ANKRD11: variants seen among roughly 807,000 people sequenced by gnomAD.
ANKRD11 encodes the protein ankyrin repeat domain 11, also known as ankyrin repeat domain-containing protein 11.
In ANKRD11, 17 loss-of-function variants were observed where a neutral mutation model predicts 195.7. That is an observed-to-expected ratio of 0.09 (90% CI 0.06 to 0.13). The LOEUF (loss-of-function observed/expected upper bound fraction) is 0.13, where lower values mean the gene tolerates loss of function less well. ANKRD11 is among the 10% of genes least tolerant of loss of function. ANKRD11 has a pLI of 1.00. For synonymous variants in ANKRD11, 1,953 were observed against 1,528.1 expected (o/e 1.28, Z -6.49); for missense variants, 3,735 against 3,566.1 (o/e 1.05, Z -1.21).
chr16:89,445,076 G>T (rs1306167972), intron 1 of ANKRD11, among the ~76,000 whole-genome samples: 3 of 152,140 alleles, frequency 2.0e-5, no homozygotes, highest in Non-Finnish European at 4.4e-5. Flanking sequence ...CTGGCCCCTT[G>T]GGTGAGGGTG....
At chr16:89,485,187 C>G (rs1020999954) in intron 1 of ANKRD11, among the ~76,000 whole-genome samples, 1 of 152,132 alleles carries the variant, frequency 6.6e-6, no homozygotes, top group African/African-American at 2.4e-5. Context: ...CCAGCTTTAG[C>G]ACTGTGGGGT....
chr16:89,467,743 C>T (rs574627561), intron 1 of ANKRD11, among the ~76,000 whole-genome samples: 2 of 152,132 alleles, frequency 1.3e-5, no homozygotes, highest in South Asian at 4.1e-4. Flanking sequence ...GTAAGACATA[C>T]TGCATATGTT....
At position 89,288,664 on chromosome 16, in the gene ANKRD11, G is replaced by A; in HGVS notation, c.608C>T (p.Thr203Met). 1 of 1,614,082 alleles carries A rather than the reference G, an allele frequency of 6.2e-7. No homozygotes were observed. The highest frequency in any genetic ancestry group is 8.5e-7 in the Non-Finnish European group (1 of 1,180,042). Residue 203 changes from threonine (T) to methionine (M), a missense_variant, in exon 7 of 13, where the codon ACG (threonine) becomes ATG (methionine). Thr to Met is a moderately conservative substitution (Grantham distance 81). Coordinates refer to ENST00000301030, the MANE Select transcript of ANKRD11 (RefSeq NM_013275.6). Reference sequence around the variant, plus strand: ...CCGGTTACAGGCCTCGTGCAGCGCCGTCCAGCCTGGAAACAGACACTCAGG... The same window carrying A: ...CCGGTTACAGGCCTCGTGCAGCGCCATCCAGCCTGGAAACAGACACTCAGG... ...DVNVKDFAGW[T>M]ALHEACNRGY...
At chr16:89,288,711 G>T (rs749429705) in intron 6 of ANKRD11, 41 bp from the exon 7 acceptor site, 2 of 1,613,560 alleles carry the variant, frequency 1.2e-6, no homozygotes, top group South Asian at 2.2e-5. Flanking sequence ...TTAATCCTCA[G>T]AACTTCCCTC....
At chr16:89,385,039 C>T (rs2040848849) in intron 2 of ANKRD11, among the ~76,000 whole-genome samples, 1 of 151,684 alleles carries the variant, frequency 6.6e-6, no homozygotes. Context: ...GCACACACCA[C>T]CATGCCAGGC....
chr16:89,443,532 C>G (rs2043627724), intron 1 of ANKRD11: 1 of 152,194 alleles, frequency 6.6e-6, no homozygotes, highest in African/African-American at 2.4e-5. Flanking sequence ...GCAAGCACCA[C>G]CCTGCACCAC....
At chr16:89,345,751 G>A (rs996994249) in intron 2 of ANKRD11, among the ~76,000 whole-genome samples, 2 of 152,144 alleles carry the variant, frequency 1.3e-5, no homozygotes, top group Non-Finnish European at 2.9e-5. Context: ...ATACACACCA[G>A]GTGCATGCTG....
chr16:89,368,269 C>G lies in ANKRD11; in HGVS notation c.-60+50015G>C, dbSNP rs139704040. On this transcript the variant is annotated intron_variant, in intron 2 of 12. Transcript: ENST00000301030. ...AGACTGCAGTGGCACAATCTCGGCTCACTGCAACCTCCGCCTCCCAGGTTA... is the reference window on the plus strand; with the variant it reads ...AGACTGCAGTGGCACAATCTCGGCTGACTGCAACCTCCGCCTCCCAGGTTA... Among the ~76,000 whole-genome samples the G allele has an allele frequency of 5.4e-3, 823 of 151,626 alleles. 9 individuals carry two copies. Among genetic ancestry groups the G allele is most frequent in the African/African-American group, 0.019 (787 of 41,326 alleles).
At chr16:89,333,028 A>G (rs2038148197) in intron 2 of ANKRD11, among the ~76,000 whole-genome samples, 1 of 152,178 alleles carries the variant, frequency 6.6e-6, no homozygotes, top group East Asian at 1.9e-4. Flanking sequence ...GTGGTCCCCC[A>G]GAGTGACAGG....
chr16:89,449,323 C>A (rs2043955471), intron 1 of ANKRD11, among the ~76,000 whole-genome samples: 1 of 152,026 alleles, frequency 6.6e-6, no homozygotes, highest in Admixed American at 6.6e-5. Flanking sequence ...CGTGATCCCA[C>A]CACTGCATTC....
chr16:89,366,062 G>A (rs2039934556), intron 2 of ANKRD11, among the ~76,000 whole-genome samples: 1 of 150,856 alleles, frequency 6.6e-6, no homozygotes, highest in Admixed American at 6.6e-5. Context: ...CCTGGAAGGT[G>A]GAGGTTGCAG....
At chr16:89,354,140 T>G (rs2039353463) in intron 2 of ANKRD11, among the ~76,000 whole-genome samples, 1 of 151,354 alleles carries the variant, frequency 6.6e-6, no homozygotes, top group African/African-American at 2.4e-5. Context: ...TTCTAAATAA[T>G]GCACTGCACA....
At chr16:89,432,975 TCTCTCTCTCTCTCTC>T (rs1449227666) in intron 1 of ANKRD11, among the ~76,000 whole-genome samples, 7 of 146,258 alleles carry the variant, frequency 4.8e-5, no homozygotes, top group African/African-American at 1.6e-4. Flanking sequence ...TCTCTCTCTC[TCTCTCTCTCTCTCTC>T]CTCTCTCTCA....
intron 9 of ANKRD11, among the ~76,000 whole-genome samples, chr16:89,276,530 G>T (rs1249750339): frequency 1.3e-5 from 2 of 152,206 alleles, no homozygotes; most frequent in Non-Finnish European, 2.9e-5. Context: ...TGCCTAAGAA[G>T]CATCATCGCA....
chr16:89,452,477 G>T (rs763415585), intron 1 of ANKRD11, among the ~76,000 whole-genome samples: 58 of 152,004 alleles, frequency 3.8e-4, no homozygotes, highest in Admixed American at 1.1e-3. Flanking sequence ...AAACCACAGC[G>T]GGTGAGGACA....
intron 2 of ANKRD11, among the ~76,000 whole-genome samples, chr16:89,388,229 G>T (rs961019663): frequency 6.7e-6 from 1 of 149,474 alleles, no homozygotes. Flanking sequence ...TGACTCCGAC[G>T]CAATCACCCT....
chr16:89,443,941 G>A (rs548131985), intron 1 of ANKRD11, among the ~76,000 whole-genome samples: 65 of 152,296 alleles, frequency 4.3e-4, no homozygotes, highest in African/African-American at 1.2e-3. Flanking sequence ...CGTCAACACC[G>A]AAGGAGAGGT....
Position 89,420,728 on chromosome 16 carries a change from TC to T in ANKRD11, c.-144-2361del, listed in dbSNP as rs969628047. ...ATTTGGAATAAACATTACAGATTTT[TC>T]TTAAGAGACAGGGTCTCACTGTGTT... On this transcript the variant is annotated intron_variant, in intron 1 of 12. Coordinates refer to ENST00000301030, the MANE Select transcript of ANKRD11 (RefSeq NM_013275.6). Among the ~76,000 whole-genome samples, 7 of 152,266 alleles carry T rather than the reference TC, an allele frequency of 4.6e-5. No homozygotes were observed. The South Asian group carries it at 6.2e-4, about 14-fold the overall frequency.
intron 2 of ANKRD11, chr16:89,360,643 G>A (rs1032095713): frequency 3.3e-5 from 5 of 152,174 alleles, no homozygotes; most frequent in African/African-American, 1.2e-4. Flanking sequence ...GAAATTCATG[G>A]TATGTTCGGA....
Sources: gnomAD v4.1 joint callset for allele counts (sites outside exome capture counted in the v4.1 genomes callset) on GRCh38, gnomAD v4.1.1 for gene constraint, MANE v1.5 for transcripts, NCBI Gene and HGNC (gene_info 2026-07-23, HGNC 2026-07-21) for gene names.